TSHZ1: variants seen among roughly 807,000 people sequenced by gnomAD.
The protein encoded by TSHZ1 is teashirt homolog 1.
In TSHZ1, 12 loss-of-function variants were observed where a neutral mutation model predicts 67.1. That is an observed-to-expected ratio of 0.18 (90% CI 0.11 to 0.29). The LOEUF (loss-of-function observed/expected upper bound fraction) is 0.29, where lower values mean the gene tolerates loss of function less well. TSHZ1 is among the 10% of genes least tolerant of loss of function. The pLI is 1.00. For synonymous variants in TSHZ1, 632 were observed against 622.4 expected, an observed-to-expected ratio of 1.02 and a Z score of -0.23; for missense variants, 1,305 against 1,413.9, an observed-to-expected ratio of 0.92 and a Z score of 1.23.
chr18:75,288,640 A>G lies in TSHZ1; in HGVS notation c.3233A>G (p.Ter1078TrpextTer23). 1 of 1,588,188 alleles carries G rather than the reference A, an allele frequency of 6.3e-7. No individual in the cohort carries two copies. Among genetic ancestry groups the G allele is most frequent in the Non-Finnish European group, 8.6e-7 (1 of 1,167,304 alleles). ...TATGTGACTGAGTTGGAGAAACAGT[A>G]GCGTCCAGGTATGCAAGAGACCGCG... ...LIYVTELEKQ[*>W] is the part of the protein sequence containing the mutation. Residue 1078 changes from the stop codon to tryptophan (W), a stop_lost, in exon 2 of 2, where the codon TAG becomes TGG. Transcript: ENST00000580243. The surrounding 1 kb of genome is among the most constrained non-coding windows in gnomAD (Gnocchi z 4.9).
intron 1 of TSHZ1, among the ~76,000 whole-genome samples, chr18:75,247,329 G>C (rs922861263): frequency 3.9e-5 from 6 of 152,258 alleles, no homozygotes; most frequent in Admixed American, 2.0e-4. Flanking sequence ...CTCCTGCCAG[G>C]GGGGGCTGTG....
intron 1 of TSHZ1, chr18:75,245,523 G>C (rs1276522683): frequency 1.3e-5 from 2 of 152,212 alleles, no homozygotes; most frequent in African/African-American, 4.8e-5. Flanking sequence ...AAAAGGTCAG[G>C]CTTTCCAGGT....
intron 1 of TSHZ1, among the ~76,000 whole-genome samples, chr18:75,258,131 C>T (rs1477838566): frequency 1.3e-5 from 2 of 152,196 alleles, no homozygotes; most frequent in Admixed American, 6.5e-5. Flanking sequence ...GTGTCTGCAG[C>T]GTCACTGCAG....
chr18:75,269,610 C>T (rs2023533380), intron 1 of TSHZ1, among the ~76,000 whole-genome samples: 1 of 152,108 alleles, frequency 6.6e-6, no homozygotes, highest in African/African-American at 2.4e-5. Flanking sequence ...GTTTTTGATC[C>T]TCTTATTTTT....
intron 1 of TSHZ1, among the ~76,000 whole-genome samples, chr18:75,218,791 G>A (rs1172873761): frequency 6.6e-6 from 1 of 152,268 alleles, no homozygotes; most frequent in East Asian, 1.9e-4. Flanking sequence ...ACAAAGAACA[G>A]CAAGTGTTTT....
chr18:75,263,724 C>G (rs2023456903), intron 1 of TSHZ1, among the ~76,000 whole-genome samples: 2 of 152,124 alleles, frequency 1.3e-5, no homozygotes, highest in Admixed American at 6.5e-5. Context: ...TTTTCTTGAG[C>G]TGATTTACAT....
intron 1 of TSHZ1, among the ~76,000 whole-genome samples, chr18:75,271,313 C>T (rs763852076): frequency 4.6e-5 from 7 of 152,218 alleles, no homozygotes; most frequent in Non-Finnish European, 7.3e-5. Context: ...GCCTCTCCTT[C>T]GGATAGATCA....
chr18:75,286,092 T>C lies in TSHZ1; in HGVS notation c.685T>C (p.Tyr229His), dbSNP rs549948739. 6.2e-7 allele frequency: 1 copy of C among 1,612,064 alleles called. No individual in the cohort carries two copies. The highest frequency in any genetic ancestry group is 1.3e-5 in the African/African-American group (1 of 74,986). Residue 229 changes from tyrosine to histidine, a missense_variant, in exon 2 of 2, where the codon TAC becomes CAC. Tyr to His is a moderately conservative substitution (Grantham distance 83, BLOSUM62 2). This residue lies in a region of TSHZ1 where 358 missense variants were observed against 375.6 expected (regional missense o/e 0.95). Transcript: ENST00000580243. The surrounding 1 kb of genome is among the most constrained non-coding windows in gnomAD (Gnocchi z 5.1). ...EPSLFSTVQLYRQNNKLYGSV... is the reference protein window; with the variant it reads ...EPSLFSTVQLHRQNNKLYGSV... ...CAGCCTGTTCAGCACCGTGCAGCTCTACCGCCAGAACAACAAGCTCTACGG... is the reference window on the plus strand; with the variant it reads ...CAGCCTGTTCAGCACCGTGCAGCTCCACCGCCAGAACAACAAGCTCTACGG...
chr18:75,250,732 G>A (rs927666566), intron 1 of TSHZ1, among the ~76,000 whole-genome samples: 5 of 152,244 alleles, frequency 3.3e-5, no homozygotes, highest in Non-Finnish European at 4.4e-5. Context: ...TTTACCGTCC[G>A]GATGGGTCTG....
At chr18:75,262,364 G>T (rs1478332679) in intron 1 of TSHZ1, among the ~76,000 whole-genome samples, 3 of 152,110 alleles carry the variant, frequency 2.0e-5, no homozygotes, top group South Asian at 2.1e-4. Flanking sequence ...AAAGATAATT[G>T]TATATGCTTT....
intron 1 of TSHZ1, among the ~76,000 whole-genome samples, chr18:75,217,038 G>A (rs1169605378): frequency 6.6e-6 from 1 of 152,252 alleles, no homozygotes; most frequent in African/African-American, 2.4e-5. Context: ...AATGGCGCCT[G>A]CTTTCTAGGC....
intron 1 of TSHZ1, among the ~76,000 whole-genome samples, chr18:75,248,074 G>A (rs1424444788): frequency 1.3e-5 from 2 of 152,062 alleles, no homozygotes; most frequent in East Asian, 3.8e-4. Flanking sequence ...AACAATAGAA[G>A]CCATCTAGAA....
chr18:75,257,747 C>T (rs1308751479), intron 1 of TSHZ1, among the ~76,000 whole-genome samples: 1 of 152,140 alleles, frequency 6.6e-6, no homozygotes, highest in Non-Finnish European at 1.5e-5. Context: ...GCCCTTCCTC[C>T]TCCTCATGGA....
intron 1 of TSHZ1, among the ~76,000 whole-genome samples, chr18:75,247,978 G>C (rs2023245277): frequency 6.6e-6 from 1 of 151,920 alleles, no homozygotes; most frequent in South Asian, 2.1e-4. Context: ...GGCTTCCGGT[G>C]CATTCAGAAA....
chr18:75,257,576 A>G (rs1369089298), intron 1 of TSHZ1, among the ~76,000 whole-genome samples: 1 of 152,058 alleles, frequency 6.6e-6, no homozygotes, highest in East Asian at 1.9e-4. Flanking sequence ...TTTTTTAAAA[A>G]TTTAGTCTTC....
chr18:75,255,098 T>C (rs1390228478), intron 1 of TSHZ1, among the ~76,000 whole-genome samples: 1 of 152,204 alleles, frequency 6.6e-6, no homozygotes, highest in East Asian at 1.9e-4. Flanking sequence ...AATGTATGTA[T>C]CCTTTGAATT....
chr18:75,273,664 G>A (rs901548817), intron 1 of TSHZ1, among the ~76,000 whole-genome samples: 13 of 152,194 alleles, frequency 8.5e-5, no homozygotes, highest in Non-Finnish European at 1.6e-4. Context: ...GGTGTCATAT[G>A]AGGCTCTAAC....
intron 1 of TSHZ1, among the ~76,000 whole-genome samples, chr18:75,237,788 T>TATTTATTTA (rs2023094493): frequency 1.1e-5 from 1 of 87,720 alleles, no homozygotes; most frequent in African/African-American, 3.5e-5. Context: ...GCCTTCTTTC[T>TATTTATTTA]TTCATTTATT....
intron 1 of TSHZ1, among the ~76,000 whole-genome samples, chr18:75,270,702 C>T (rs544123936): frequency 2.0e-5 from 3 of 152,282 alleles, no homozygotes; most frequent in South Asian, 2.1e-4. Flanking sequence ...AGGCTACTGT[C>T]GTGAGTATTT....
Sources: allele counts gnomAD v4.1 joint callset (sites outside exome capture counted in the v4.1 genomes callset), GRCh38; gene constraint gnomAD v4.1.1; regional missense constraint gnomAD v4.1.1; non-coding constraint Gnocchi (gnomAD v3.1); transcripts MANE v1.5; gene names NCBI Gene and HGNC (gene_info 2026-07-23, HGNC 2026-07-21).